AGPAT5: variants seen among roughly 807,000 people sequenced by gnomAD.
AGPAT5 encodes 1-acylglycerol-3-phosphate O-acyltransferase 5.
A neutral mutation model predicts 45.6 loss-of-function variants in AGPAT5; 46 were observed. The ratio of observed to expected loss-of-function variants is 1.01; its 90% CI spans 0.80 to 1.29. AGPAT5 has a LOEUF of 1.29. Ranked by LOEUF, AGPAT5 falls within the 50% of genes most tolerant of loss-of-function variation. AGPAT5 has a pLI of 0.00. For synonymous variants in AGPAT5, 272 were observed against 167.0 expected, an observed-to-expected ratio of 1.63 and a Z score of -4.85; for missense variants, 673 against 450.7, an observed-to-expected ratio of 1.49 and a Z score of -4.47.
chr8:6,722,729 T>G (rs2936520), intron 1 of AGPAT5, among the ~76,000 whole-genome samples: 111,782 of 152,176 alleles, frequency 0.73, 42,163 homozygotes, highest in African/African-American at 0.9. Context: ...AAATAAGTTT[T>G]TTTGACGAAA....
At chr8:6,735,421 G>A (rs1056845939) in intron 4 of AGPAT5, among the ~76,000 whole-genome samples, 1 of 152,194 alleles carries the variant, frequency 6.6e-6, no homozygotes, top group African/African-American at 2.4e-5. Flanking sequence ...CCTGTGAAAT[G>A]TGCTGCATTC....
intron 6 of AGPAT5, among the ~76,000 whole-genome samples, chr8:6,750,859 A>G (rs1801634637): frequency 6.6e-6 from 1 of 152,204 alleles, no homozygotes; most frequent in African/African-American, 2.4e-5. Flanking sequence ...CCTTTGTAGA[A>G]GTTGCTTTGG....
intron 3 of AGPAT5, 99 bp downstream of exon 3, chr8:6,730,925 G>C: frequency 1.4e-6 from 1 of 729,856 alleles, no homozygotes; most frequent in Non-Finnish European, 2.1e-6. Flanking sequence ...GCTGAGTGCA[G>C]TGGTGTGAAC....
chr8:6,756,559 A>C (rs567066813), intron 7 of AGPAT5, among the ~76,000 whole-genome samples: 2 of 150,800 alleles, frequency 1.3e-5, no homozygotes, highest in East Asian at 3.9e-4. Flanking sequence ...TTGAGACTGC[A>C]GTGAGCTATC....
chr8:6,709,159 C>T, intron 1 of AGPAT5: 4 of 535,898 alleles, frequency 7.5e-6, no homozygotes, highest in Non-Finnish European at 1.4e-5. Flanking sequence ...TGCTGCTTAG[C>T]AAAGTGGGTG....
chr8:6,730,813 G>A lies in AGPAT5; in HGVS notation c.392G>A (p.Cys131Tyr). Residue 131 changes from cysteine to tyrosine, a missense_variant, in exon 3 of 8, where the codon TGT becomes TAT. Transcript: ENST00000285518. ...EGLKWLPLYGCYFAQHGGIYV... is the reference protein window; with the variant it reads ...EGLKWLPLYGYYFAQHGGIYV... ...TTAAAATGGCTGCCATTGTATGGGT[G>A]TTACTTTGCTCAGGTAACTTGTTTC... 1 of 1,611,054 alleles carries A rather than the reference G, an allele frequency of 6.2e-7. No homozygotes were observed. The highest frequency in any genetic ancestry group is 1.1e-5 in the South Asian group (1 of 90,906).
chr8:6,722,019 A>G (rs1800519635), intron 1 of AGPAT5, among the ~76,000 whole-genome samples: 1 of 152,034 alleles, frequency 6.6e-6, no homozygotes, highest in Non-Finnish European at 1.5e-5. Flanking sequence ...TGTGATTTTT[A>G]ACAAAGGCTG....
In AGPAT5 at chr8:6,728,262, C is replaced by T. The variant is rs552482381; in HGVS notation, c.290-2449C>T. Among the ~76,000 whole-genome samples the T allele has an allele frequency of 6.6e-5, 10 of 152,286 alleles. No homozygotes were observed. In the South Asian group the frequency reaches 1.9e-3, roughly 28 times the overall value. ...TATTGCTATCTTAGTTAAATTATGC[C>T]AGAACACAAAATATGAAGTTATTGT... On this transcript the variant is annotated intron_variant, in intron 2 of 7. Coordinates refer to ENST00000285518, the MANE Select transcript of AGPAT5 (RefSeq NM_018361.5).
Position 6,717,629 on chromosome 8 carries a change from A to G in AGPAT5, c.220-7241A>G, listed in dbSNP as rs1800373022. 2.0e-5 allele frequency among the ~76,000 whole-genome samples: 3 copies of G among 152,376 alleles called. No individual in the cohort carries two copies. The South Asian group carries it at 6.2e-4, about 32-fold the overall frequency. ...AAAGGAGGAATACAACTGTGTCCAA[A>G]TGAATACTTAACTGGGTGGGAGCTG... On this transcript the variant is annotated intron_variant, in intron 1 of 7. Transcript: ENST00000285518.
At chr8:6,752,014 T>G (rs1801673129) in intron 6 of AGPAT5, among the ~76,000 whole-genome samples, 1 of 151,678 alleles carries the variant, frequency 6.6e-6, no homozygotes, top group African/African-American at 2.4e-5. Context: ...CCATCTCTAC[T>G]AAAAATACAA....
intron 6 of AGPAT5, among the ~76,000 whole-genome samples, chr8:6,754,531 C>T (rs1177243806): frequency 6.6e-6 from 1 of 152,156 alleles, no homozygotes; most frequent in Admixed American, 6.5e-5. Context: ...TATCAGGCGC[C>T]TGTGAGTGCC....
At chr8:6,728,649 G>GA (rs59429856) in intron 2 of AGPAT5, among the ~76,000 whole-genome samples, 3,260 of 152,148 alleles carry the variant, frequency 0.021, 117 homozygotes, top group African/African-American at 0.074. Context: ...ATTATTGCAG[G>GA]AAAAAATGCT....
intron 1 of AGPAT5, among the ~76,000 whole-genome samples, chr8:6,717,554 A>G (rs538745393): frequency 1.3e-5 from 2 of 152,386 alleles, no homozygotes; most frequent in Admixed American, 6.5e-5. Flanking sequence ...ACTTGAATAT[A>G]TGCTGAGATA....
intron 6 of AGPAT5, among the ~76,000 whole-genome samples, chr8:6,754,486 A>T (rs950619023): frequency 2.0e-5 from 3 of 152,158 alleles, no homozygotes; most frequent in Non-Finnish European, 4.4e-5. Flanking sequence ...CAGTGACGAG[A>T]AGCTGTGTGT....
intron 1 of AGPAT5, among the ~76,000 whole-genome samples, chr8:6,722,488 A>C (rs1167779350): frequency 6.6e-6 from 1 of 152,240 alleles, no homozygotes; most frequent in South Asian, 2.1e-4. Context: ...TTTTTAACAA[A>C]GAATGCTGTA....
rs78886378 is a variant in AGPAT5 at position 6,749,576 on chromosome 8, G to A, written c.745+1748G>A. On this transcript the variant is annotated intron_variant, in intron 6 of 7. Coordinates refer to ENST00000285518, the MANE Select transcript of AGPAT5 (RefSeq NM_018361.5). ...AACCAGTTTTCTTAATTTGTTGTGC[G>A]TTGTATGTGCAAATTTAAGTATATC... Among the ~76,000 whole-genome samples, 244 of 152,136 alleles carry A rather than the reference G, an allele frequency of 1.6e-3. 5 individuals are homozygous for A. The East Asian group carries it at 0.037, about 23-fold the overall frequency.
chr8:6,756,567 A>G (rs1801842397), intron 7 of AGPAT5, among the ~76,000 whole-genome samples: 1 of 150,074 alleles, frequency 6.7e-6, no homozygotes, highest in Non-Finnish European at 1.5e-5. Context: ...GCAGTGAGCT[A>G]TCATTGTGCC....
At chr8:6,744,662 G>A (rs750590322) in intron 5 of AGPAT5, among the ~76,000 whole-genome samples, 1 of 152,188 alleles carries the variant, frequency 6.6e-6, no homozygotes, top group Non-Finnish European at 1.5e-5. Flanking sequence ...AAATGGCACT[G>A]GCTCGCCCAC....
At position 6,708,849 on chromosome 8, in the gene AGPAT5, A is replaced by G. The variant is rs758996396; in HGVS notation, c.181A>G (p.Met61Val). The part of the protein sequence containing the change: ...DDRLYCVYQS[M>V]VLFFFENYTG... ...CCGGCTCTACTGCGTCTACCAGAGC[A>G]TGGTGCTCTTCTTCTTCGAGAATTA... The change falls in exon 1 of 8, where the codon ATG (methionine) becomes GTG (valine). Residue 61 changes from methionine to valine, a missense_variant. Met to Val is a conservative substitution (Grantham distance 21, BLOSUM62 1). Transcript: ENST00000285518. The G allele has an allele frequency of 5.0e-6, 8 of 1,610,780 alleles. 1 individual carries two copies. The South Asian group carries it at 6.6e-5, about 13-fold the overall frequency.
Sources: gnomAD v4.1 joint callset for allele counts (sites outside exome capture counted in the v4.1 genomes callset) on GRCh38, gnomAD v4.1.1 for gene constraint, MANE v1.5 for transcripts, NCBI Gene and HGNC (gene_info 2026-07-23, HGNC 2026-07-21) for gene names.